FNBP1: variants seen among roughly 807,000 people sequenced by gnomAD.
The protein encoded by FNBP1 is formin binding protein 1, also known as formin-binding protein 1.
FNBP1 carries 26 observed loss-of-function variants against 90.6 expected under a neutral mutation model. The ratio of observed to expected loss-of-function variants is 0.29; its 90% confidence interval spans 0.21 to 0.40. The LOEUF is 0.40. FNBP1 is among the 10% of genes least tolerant of loss of function. The pLI, the probability that FNBP1 is intolerant of heterozygous loss-of-function variation, is 1.00. For synonymous variants in FNBP1, 260 were observed against 265.2 expected (o/e 0.98, Z 0.19); for missense variants, 635 against 768.0 (o/e 0.83, Z 2.05).
At chr9:129,940,330 T>G (rs1259520138) in intron 6 of FNBP1, among the ~76,000 whole-genome samples, 1 of 152,176 alleles carries the variant, frequency 6.6e-6, no homozygotes, top group Non-Finnish European at 1.5e-5. Context: ...ATAGATCAGG[T>G]ATATCTTCAA....
At chr9:129,926,262 G>A (rs2041896431) in intron 8 of FNBP1, among the ~76,000 whole-genome samples, 1 of 152,178 alleles carries the variant, frequency 6.6e-6, no homozygotes, top group Non-Finnish European at 1.5e-5. Context: ...GTGAGCCACT[G>A]TGCCCAGCCA....
intron 1 of FNBP1, among the ~76,000 whole-genome samples, chr9:130,028,127 A>T (rs2058519001): frequency 6.6e-6 from 1 of 152,210 alleles, no homozygotes; most frequent in Non-Finnish European, 1.5e-5. Flanking sequence ...GCCTAGATTC[A>T]AATGAAAGTG....
the FNBP1 span, chr9:130,053,342 T>G: frequency 6.5e-6 from 1 of 153,096 alleles, no homozygotes; most frequent in South Asian, 1.9e-4. Context: ...TGATAATACG[T>G]ACCTCCTAGC....
intron 12 of FNBP1, among the ~76,000 whole-genome samples, chr9:129,904,036 C>CAAACA (rs368301132): frequency 0.061 from 9,212 of 152,186 alleles, 405 homozygotes; most frequent in Middle Eastern, 0.14. Flanking sequence ...GACTCCATCT[C>CAAACA]AAACAAAACA....
At chr9:129,903,438 A>C (rs1315449752) in intron 12 of FNBP1, among the ~76,000 whole-genome samples, 2 of 152,158 alleles carry the variant, frequency 1.3e-5, no homozygotes, top group Non-Finnish European at 2.9e-5. Context: ...TGGATAAGGG[A>C]CTATTGGGCC....
rs542902132 is a variant in FNBP1 at position 129,966,686 on chromosome 9, C to T, written c.346-8133G>A. ...GACGGAGGTTGCAGTGAGCTGAGATCGCACCACTGCATTCCAAGTCTGGGT... is the reference window on the plus strand; with the variant it reads ...GACGGAGGTTGCAGTGAGCTGAGATTGCACCACTGCATTCCAAGTCTGGGT... On this transcript the variant is annotated intron_variant, in intron 4 of 16. Coordinates refer to ENST00000446176, the MANE Select transcript of FNBP1 (RefSeq NM_015033.3). The surrounding 1 kb of genome is among the most constrained non-coding windows in gnomAD (Gnocchi z 4.3). Among the ~76,000 whole-genome samples the T allele has an allele frequency of 2.6e-5, 4 of 152,110 alleles. No homozygotes were observed. Among genetic ancestry groups the T allele is most frequent in the African/African-American group, 7.2e-5 (3 of 41,498 alleles).
chr9:129,968,395 CAA>C (rs775896038), intron 4 of FNBP1, among the ~76,000 whole-genome samples: 237 of 69,116 alleles, frequency 3.4e-3, no homozygotes, highest in African/African-American at 9.5e-3. Flanking sequence ...AACTCCGTCT[CAA>C]AAAAAAAAAA....
At chr9:129,965,817 G>GAGGAAGGAAGGAAGGAAGGA (rs1190159718) in intron 4 of FNBP1, among the ~76,000 whole-genome samples, 40 of 99,468 alleles carry the variant, frequency 4.0e-4, no homozygotes, top group African/African-American at 1.2e-3. Context: ...GGGAGGGAGG[G>GAGGAAGGAAGGAAGGAAGGA]AGGAAGGAAG....
chr9:129,889,042 A>G lies in FNBP1; in HGVS notation c.*1497T>C. 1 of 115,226 alleles carries G rather than the reference A, an allele frequency of 8.7e-6. No individual in the cohort carries two copies. Among genetic ancestry groups the G allele is most frequent in the East Asian group, 2.9e-4 (1 of 3,492 alleles). The allele number at this position is 115,226 out of a possible 1,614,324, so 7.1% of individuals were successfully genotyped here. On this transcript the variant is annotated 3_prime_UTR_variant, in exon 17 of 17. Coordinates refer to ENST00000446176, the MANE Select transcript of FNBP1 (RefSeq NM_015033.3). ...AATGGTTCCTCTTGACTGTTTCTGC[A>G]CCAAATGAGAGGAGGGGCTGCTCTG...
At chr9:129,924,203 G>T (rs1218579329) in intron 9 of FNBP1, among the ~76,000 whole-genome samples, 177 bp from the exon 10 acceptor site, 1 of 152,238 alleles carries the variant, frequency 6.6e-6, no homozygotes, top group Non-Finnish European at 1.5e-5. Flanking sequence ...AATATGATGA[G>T]AGTTGGGAGG....
intron 6 of FNBP1, among the ~76,000 whole-genome samples, chr9:129,930,129 T>C (rs953095712): frequency 1.3e-5 from 2 of 151,912 alleles, no homozygotes; most frequent in African/African-American, 4.8e-5. Flanking sequence ...GGCACGATCC[T>C]GGCTCACTGC....
At chr9:130,004,903 T>C (rs766370395) in intron 1 of FNBP1, among the ~76,000 whole-genome samples, 1 of 151,878 alleles carries the variant, frequency 6.6e-6, no homozygotes. Context: ...CTGTCTCTAC[T>C]AAAAACACAA....
At chr9:129,897,736 C>T (rs1335655506) in intron 15 of FNBP1, among the ~76,000 whole-genome samples, 1 of 152,118 alleles carries the variant, frequency 6.6e-6, no homozygotes, top group Non-Finnish European at 1.5e-5. Context: ...AGCCACTGAG[C>T]CTGGCCTGAG....
At chr9:129,946,858 T>A (rs538713322) in intron 6 of FNBP1, among the ~76,000 whole-genome samples, 1 of 152,242 alleles carries the variant, frequency 6.6e-6, no homozygotes, top group African/African-American at 2.4e-5. Flanking sequence ...CTCAGTTTAA[T>A]GCATGCATTT....
intron 12 of FNBP1, among the ~76,000 whole-genome samples, chr9:129,904,050 C>T (rs895271336): frequency 2.0e-5 from 3 of 149,676 alleles, no homozygotes; most frequent in Non-Finnish European, 4.5e-5. Context: ...CAAAACAAAA[C>T]AAACAAACAA....
the FNBP1 span, among the ~76,000 whole-genome samples, chr9:130,049,126 T>A: frequency 1.3e-5 from 2 of 151,936 alleles, no homozygotes; most frequent in African/African-American, 4.8e-5. Context: ...CAGTGGCTCA[T>A]GCCTGTAATC....
intron 4 of FNBP1, among the ~76,000 whole-genome samples, chr9:129,970,364 C>T (rs1163594013): frequency 6.6e-6 from 1 of 152,020 alleles, no homozygotes; most frequent in Admixed American, 6.6e-5. Flanking sequence ...CACAACCAAG[C>T]CCAGCTAATT....
intron 10 of FNBP1, among the ~76,000 whole-genome samples, chr9:129,923,400 G>A (rs1231273637): frequency 6.6e-6 from 1 of 151,902 alleles, no homozygotes; most frequent in Non-Finnish European, 1.5e-5. Context: ...CCAACATGAT[G>A]AAATGCTGTC....
At chr9:129,956,128 A>G (rs896552809) in intron 6 of FNBP1, among the ~76,000 whole-genome samples, 19 of 152,172 alleles carry the variant, frequency 1.2e-4, no homozygotes, top group Non-Finnish European at 2.4e-4. Context: ...CAGTCTCCTA[A>G]GTAGCTGAGT....
Sources: allele counts gnomAD v4.1 joint callset (sites outside exome capture counted in the v4.1 genomes callset), GRCh38; gene constraint gnomAD v4.1.1; non-coding constraint Gnocchi (gnomAD v3.1); transcripts MANE v1.5; gene names NCBI Gene and HGNC (gene_info 2026-07-23, HGNC 2026-07-21).